The following SLC25A21 variants were observed in gnomAD, a reference collection of about 807,000 sequenced individuals.
SLC25A21 encodes the protein mitochondrial 2-oxodicarboxylate carrier.
A neutral mutation model predicts 43.8 loss-of-function variants in SLC25A21; 47 were observed. The ratio of observed to expected loss-of-function variants is 1.07; its 90% confidence interval spans 0.85 to 1.37. The LOEUF is 1.37. SLC25A21 is among the 40% of genes most tolerant of loss of function. The probability of loss-of-function intolerance (pLI) is 0.00; values close to 1 mark genes in which losing one functional copy is unlikely to be tolerated. For synonymous variants in SLC25A21, 131 were observed against 121.3 expected, an observed-to-expected ratio of 1.08 and a Z score of -0.52; for missense variants, 352 against 350.2, an observed-to-expected ratio of 1.00 and a Z score of -0.04.
intron 3 of SLC25A21, among the ~76,000 whole-genome samples, chr14:36,745,473 G>T (rs903748969): frequency 2.0e-5 from 3 of 152,054 alleles, no homozygotes; most frequent in African/African-American, 7.2e-5. Flanking sequence ...GTGTAAAAGC[G>T]TTCCTATTTC....
chr14:36,999,170 C>A (rs1378363642), intron 1 of SLC25A21, among the ~76,000 whole-genome samples: 1 of 152,022 alleles, frequency 6.6e-6, no homozygotes, highest in Admixed American at 6.6e-5. Flanking sequence ...AACTGTGGTA[C>A]ATACAGACAA....
intron 1 of SLC25A21, among the ~76,000 whole-genome samples, chr14:37,150,294 T>C (rs1339044933): frequency 2.0e-5 from 3 of 152,198 alleles, no homozygotes; most frequent in Non-Finnish European, 4.4e-5. Flanking sequence ...CAAGAAATTA[T>C]GACATTTATC....
At chr14:37,085,196 C>T (rs1437481714) in intron 1 of SLC25A21, among the ~76,000 whole-genome samples, 3 of 152,268 alleles carry the variant, frequency 2.0e-5, no homozygotes, top group South Asian at 2.1e-4. Context: ...ATCTCAGAGA[C>T]GCCTCCCCTA....
chr14:37,155,934 G>A (rs553659360), intron 1 of SLC25A21, among the ~76,000 whole-genome samples: 4 of 152,080 alleles, frequency 2.6e-5, no homozygotes, highest in African/African-American at 9.6e-5. Context: ...TGAGATGAGT[G>A]GTCCACCTGA....
chr14:37,039,552 A>G (rs1052613685), intron 1 of SLC25A21, among the ~76,000 whole-genome samples: 1 of 152,194 alleles, frequency 6.6e-6, no homozygotes, highest in Non-Finnish European at 1.5e-5. Flanking sequence ...TTCTCTGAGC[A>G]TAATTGAGAT....
At chr14:37,066,073 G>A (rs1421245496) in intron 1 of SLC25A21, among the ~76,000 whole-genome samples, 1 of 152,032 alleles carries the variant, frequency 6.6e-6, no homozygotes, top group Non-Finnish European at 1.5e-5. Context: ...AGAGAGGAGA[G>A]GAAAAGAAAT....
intron 1 of SLC25A21, among the ~76,000 whole-genome samples, chr14:36,928,915 C>T (rs976813919): frequency 6.6e-6 from 1 of 152,052 alleles, no homozygotes. Context: ...AAAGAATTCC[C>T]TCATTGTGCA....
intron 1 of SLC25A21, among the ~76,000 whole-genome samples, chr14:36,958,459 T>G (rs1158935616): frequency 6.6e-6 from 1 of 152,222 alleles, no homozygotes; most frequent in Non-Finnish European, 1.5e-5. Flanking sequence ...CCTGCAGGTA[T>G]GTGTTTCATC....
At chr14:36,682,524 T>C (rs1209010885) in intron 9 of SLC25A21, among the ~76,000 whole-genome samples, 2 of 152,190 alleles carry the variant, frequency 1.3e-5, no homozygotes. Flanking sequence ...TTCCAGTCAA[T>C]TACCATTTTA....
chr14:36,834,415 G>A (rs1030419379), intron 2 of SLC25A21, among the ~76,000 whole-genome samples: 1 of 152,194 alleles, frequency 6.6e-6, no homozygotes, highest in African/African-American at 2.4e-5. Flanking sequence ...ATGAACTTGG[G>A]CAGGAGATTT....
intron 3 of SLC25A21, among the ~76,000 whole-genome samples, chr14:36,768,203 G>A (rs1886485608): frequency 6.6e-6 from 1 of 152,210 alleles, no homozygotes; most frequent in African/African-American, 2.4e-5. Flanking sequence ...CCAGGCAGAA[G>A]CCTAACTTGT....
intron 2 of SLC25A21, among the ~76,000 whole-genome samples, chr14:36,863,604 T>C (rs1249512873): frequency 6.6e-6 from 1 of 152,248 alleles, no homozygotes; most frequent in Non-Finnish European, 1.5e-5. Context: ...TGTTATTTTA[T>C]GTGGGGAGAA....
chr14:36,940,146 C>G (rs1374418918), intron 1 of SLC25A21, among the ~76,000 whole-genome samples: 1 of 152,106 alleles, frequency 6.6e-6, no homozygotes, highest in African/African-American at 2.4e-5. Context: ...ACTCAGTCAA[C>G]TTTAACAACG....
chr14:36,913,783 A>G (rs1891754717), intron 1 of SLC25A21, among the ~76,000 whole-genome samples: 1 of 152,236 alleles, frequency 6.6e-6, no homozygotes, highest in African/African-American at 2.4e-5. Flanking sequence ...CTTATCATCA[A>G]GTTAAATATT....
chr14:36,814,061 A>C, intron 2 of SLC25A21, 60 bp from the exon 3 acceptor site: 370 of 1,151,928 alleles, frequency 3.2e-4, no homozygotes, highest in Non-Finnish European at 4.3e-4. Context: ...GGCTTTTCTC[A>C]TTTTTTAAAG....
At chr14:37,142,208 T>C (rs1293457857) in intron 1 of SLC25A21, among the ~76,000 whole-genome samples, 1 of 152,192 alleles carries the variant, frequency 6.6e-6, no homozygotes, top group Admixed American at 6.5e-5. Flanking sequence ...CTATTCCTAT[T>C]TAAAGACTTG....
At chr14:36,963,843 T>G (rs1959553497) in intron 1 of SLC25A21, among the ~76,000 whole-genome samples, 1 of 152,146 alleles carries the variant, frequency 6.6e-6, no homozygotes, top group Admixed American at 6.5e-5. Context: ...CTAACTGAAG[T>G]GGAAGGATGC....
chr14:36,682,211 T>A (rs1414994060), intron 9 of SLC25A21, among the ~76,000 whole-genome samples: 3 of 151,896 alleles, frequency 2.0e-5, no homozygotes, highest in Non-Finnish European at 4.4e-5. Context: ...AAGAAAAAAA[T>A]TTCACCCTTC....
At chr14:37,065,346 A>C (rs1258074121) in intron 1 of SLC25A21, among the ~76,000 whole-genome samples, 1 of 152,222 alleles carries the variant, frequency 6.6e-6, no homozygotes, top group Non-Finnish European at 1.5e-5. Flanking sequence ...AAAGCTGACA[A>C]GAAAGTATTT....
Sources: gnomAD v4.1 joint callset for allele counts (sites outside exome capture counted in the v4.1 genomes callset) on GRCh38, gnomAD v4.1.1 for gene constraint, MANE v1.5 for transcripts, NCBI Gene and HGNC (gene_info 2026-07-23, HGNC 2026-07-21) for gene names.